Variants in SCAPER observed in about 807,000 individuals in gnomAD.
The protein encoded by SCAPER is S-phase cyclin A associated protein in the ER.
In SCAPER, 98 loss-of-function variants were observed where a neutral mutation model predicts 182.2. The observed-to-expected ratio is 0.54, with a 90% CI of 0.46 to 0.64. The LOEUF is 0.64. Ranked by LOEUF, SCAPER falls within the 30% of genes least tolerant of loss-of-function variation. The probability of loss-of-function intolerance (pLI) is 0.00; values close to 1 mark genes in which losing one functional copy is unlikely to be tolerated. For synonymous variants in SCAPER, 605 were observed against 564.6 expected, an observed-to-expected ratio of 1.07 and a Z score of -1.01; for missense variants, 1,432 against 1,690.0, an observed-to-expected ratio of 0.85 and a Z score of 2.68.
At chr15:76,556,034 T>A (rs1410361340) in intron 23 of SCAPER, among the ~76,000 whole-genome samples, 1 of 152,060 alleles carries the variant, frequency 6.6e-6, no homozygotes. Flanking sequence ...CTGACCATAC[T>A]CTCAGACCAC....
At chr15:76,657,600 AAAAG>A (rs1398902008) in intron 21 of SCAPER, among the ~76,000 whole-genome samples, 5 of 150,758 alleles carry the variant, frequency 3.3e-5, no homozygotes, top group African/African-American at 7.3e-5. Context: ...AAAAAAAAAA[AAAAG>A]AAAGAAAGAA....
chr15:76,421,600 T>G (rs1255905732), intron 26 of SCAPER, among the ~76,000 whole-genome samples: 3 of 152,258 alleles, frequency 2.0e-5, no homozygotes, highest in Non-Finnish European at 4.4e-5. Context: ...TAGTTTCTTT[T>G]GCTGTGCAGA....
intron 26 of SCAPER, among the ~76,000 whole-genome samples, chr15:76,412,147 C>T (rs987902844): frequency 1.3e-5 from 2 of 152,114 alleles, no homozygotes; most frequent in African/African-American, 2.4e-5. Flanking sequence ...AATAACTTTC[C>T]TTTCCCTATT....
chr15:76,365,955 TATA>T (rs1306960991), intron 29 of SCAPER, among the ~76,000 whole-genome samples: 1 of 152,174 alleles, frequency 6.6e-6, no homozygotes, highest in Non-Finnish European at 1.5e-5. Context: ...AGAAGGCGCT[TATA>T]ATATTTTTTT....
At chr15:76,685,436 A>G (rs1021732372) in intron 20 of SCAPER, among the ~76,000 whole-genome samples, 1 of 152,244 alleles carries the variant, frequency 6.6e-6, no homozygotes, top group East Asian at 1.9e-4. Context: ...GTTACTGGAA[A>G]TAAGAGTTTA....
intron 20 of SCAPER, among the ~76,000 whole-genome samples, chr15:76,688,035 G>C (rs1301353121): frequency 1.3e-5 from 2 of 152,122 alleles, no homozygotes; most frequent in East Asian, 1.9e-4. Flanking sequence ...TGCAATGGTT[G>C]AACTAATTTA....
chr15:76,485,807 G>A (rs1302762264), intron 24 of SCAPER, among the ~76,000 whole-genome samples: 1 of 152,110 alleles, frequency 6.6e-6, no homozygotes, highest in African/African-American at 2.4e-5. Flanking sequence ...TTCAATAAAC[G>A]GTGCTGGGAT....
chr15:76,810,640 A>C (rs2066528931), intron 5 of SCAPER, among the ~76,000 whole-genome samples: 1 of 151,750 alleles, frequency 6.6e-6, no homozygotes, highest in African/African-American at 2.4e-5. Flanking sequence ...CAAAACAGTT[A>C]ATTAAAAGGT....
At chr15:76,689,519 A>T (rs990165592) in intron 20 of SCAPER, among the ~76,000 whole-genome samples, 23 of 152,072 alleles carry the variant, frequency 1.5e-4, no homozygotes, top group Admixed American at 1.4e-3. Flanking sequence ...TTGACTCAAG[A>T]ACACCTGGAA....
At chr15:76,735,562 C>T (rs772618703) in intron 15 of SCAPER, among the ~76,000 whole-genome samples, 3 of 151,086 alleles carry the variant, frequency 2.0e-5, no homozygotes, top group Non-Finnish European at 3.0e-5. Context: ...ATTAGCTGGG[C>T]GTGGCAGCAT....
intron 23 of SCAPER, among the ~76,000 whole-genome samples, chr15:76,522,942 T>C (rs2042936088): frequency 1.3e-5 from 2 of 152,076 alleles, no homozygotes; most frequent in African/African-American, 4.8e-5. Context: ...TGTTAGTATA[T>C]AATGTTATTT....
intron 15 of SCAPER, among the ~76,000 whole-genome samples, chr15:76,736,036 C>T (rs1390348921): frequency 1.1e-4 from 17 of 152,096 alleles, no homozygotes; most frequent in Admixed American, 9.8e-4. Flanking sequence ...AGGCATACCT[C>T]AAAGATATTA....
intron 24 of SCAPER, among the ~76,000 whole-genome samples, chr15:76,485,218 C>T (rs1438203889): frequency 6.6e-6 from 1 of 152,116 alleles, no homozygotes; most frequent in Non-Finnish European, 1.5e-5. Flanking sequence ...ATACAAAAAT[C>T]AATGTGTAAA....
intron 26 of SCAPER, among the ~76,000 whole-genome samples, chr15:76,429,383 G>A (rs139439129): frequency 0.015 from 2,358 of 152,252 alleles, 63 homozygotes; most frequent in African/African-American, 0.055. Context: ...AGTTTGGAGG[G>A]CTCAGAAGAA....
At chr15:76,681,884 A>G (rs1254787739) in intron 20 of SCAPER, among the ~76,000 whole-genome samples, 1 of 152,264 alleles carries the variant, frequency 6.6e-6, no homozygotes, top group East Asian at 1.9e-4. Context: ...ACCATCCCCC[A>G]AGGCTCACCA....
intron 23 of SCAPER, among the ~76,000 whole-genome samples, chr15:76,543,581 C>T: frequency 6.6e-6 from 1 of 152,106 alleles, no homozygotes; most frequent in East Asian, 1.9e-4. Context: ...TATCTGCTAC[C>T]CTTACCAAAA....
chr15:76,559,201 A>AT (rs58642207), intron 23 of SCAPER, among the ~76,000 whole-genome samples: 11,365 of 118,910 alleles, frequency 0.096, 411 homozygotes, highest in African/African-American at 0.17. Context: ...CACCCAGCTA[A>AT]TTTTTTTTTT....
At chr15:76,823,783 A>G (rs2067765190) in intron 5 of SCAPER, among the ~76,000 whole-genome samples, 1 of 152,074 alleles carries the variant, frequency 6.6e-6, no homozygotes, top group African/African-American at 2.4e-5. Context: ...CCTTCCCTCA[A>G]TTCTACTAAT....
chr15:76,431,058 C>G (rs560327827), intron 26 of SCAPER, among the ~76,000 whole-genome samples: 1 of 148,758 alleles, frequency 6.7e-6, no homozygotes, highest in Non-Finnish European at 1.5e-5. Context: ...CTGCCACAAC[C>G]CATGCAACAC....
Sources: allele counts gnomAD v4.1 joint callset (sites outside exome capture counted in the v4.1 genomes callset), GRCh38; gene constraint gnomAD v4.1.1; transcripts MANE v1.5; gene names NCBI Gene and HGNC (gene_info 2026-07-23, HGNC 2026-07-21).